Variants in TANC1 observed in about 807,000 individuals in gnomAD.
TANC1 encodes tetratricopeptide repeat, ankyrin repeat and coiled-coil containing 1, also known as protein TANC1.
A neutral mutation model predicts 149.7 loss-of-function variants in TANC1; 77 were observed. That is an observed-to-expected ratio of 0.51 (90% CI 0.43 to 0.62). The LOEUF is 0.62. TANC1 is among the 20% of genes least tolerant of loss of function. TANC1 has a pLI of 0.00. For synonymous variants in TANC1, 854 were observed against 925.0 expected (o/e 0.92, Z 1.39); for missense variants, 1,985 against 2,321.8 (o/e 0.85, Z 2.98).
chr2:159,132,216 A>G (rs1206849805), intron 4 of TANC1, among the ~76,000 whole-genome samples: 1 of 152,204 alleles, frequency 6.6e-6, no homozygotes, highest in East Asian at 1.9e-4. Flanking sequence ...TCCCAGAGTT[A>G]TTAGGAATGA....
At chr2:159,099,558 C>T (rs2046463590) in intron 4 of TANC1, among the ~76,000 whole-genome samples, 1 of 151,880 alleles carries the variant, frequency 6.6e-6, no homozygotes. Flanking sequence ...TGTAGTCATG[C>T]TCCTGAACTT....
At chr2:159,009,079 G>C (rs1335987266) in intron 2 of TANC1, among the ~76,000 whole-genome samples, 1 of 152,136 alleles carries the variant, frequency 6.6e-6, no homozygotes, top group Non-Finnish European at 1.5e-5. Context: ...GAATAACTAA[G>C]AGCAGGTTGG....
intron 2 of TANC1, among the ~76,000 whole-genome samples, chr2:159,055,093 A>T (rs2041750224): frequency 6.6e-6 from 1 of 152,230 alleles, no homozygotes; most frequent in African/African-American, 2.4e-5. Flanking sequence ...AACAACAGGA[A>T]GGAGAAAGGA....
At chr2:159,199,973 G>T (rs2058128159) in intron 19 of TANC1, among the ~76,000 whole-genome samples, 1 of 152,170 alleles carries the variant, frequency 6.6e-6, no homozygotes, top group African/African-American at 2.4e-5. Flanking sequence ...CCCCTTTGTG[G>T]GTCCAAAGAA....
At chr2:159,055,205 C>T (rs950064233) in intron 2 of TANC1, among the ~76,000 whole-genome samples, 1 of 152,224 alleles carries the variant, frequency 6.6e-6, no homozygotes, top group Non-Finnish European at 1.5e-5. Context: ...CAAAGAAAGA[C>T]TCTATGGCCC....
chr2:159,075,913 G>T (rs896857619), intron 3 of TANC1, among the ~76,000 whole-genome samples: 4 of 152,160 alleles, frequency 2.6e-5, no homozygotes, highest in African/African-American at 9.7e-5. Flanking sequence ...GCTCATGTTG[G>T]TTGCCACCTG....
Position 159,136,198 on chromosome 2 carries a change from C to CACATA in TANC1, c.264_265insACATA (p.Val89ThrfsTer2), listed in dbSNP as rs1559327052. 6.2e-7 allele frequency: 1 copy of CACATA among 1,600,038 alleles called. No homozygotes were observed. The highest frequency in any genetic ancestry group is 1.1e-5 in the South Asian group (1 of 90,812). ...CTCAGATCTTTCCCACTACAGGTCC[C>CACATA]GTCAGGAAGCCCAAGTATGTGGAAA... On this transcript the variant is annotated frameshift_variant, in exon 5 of 27. Coordinates refer to ENST00000263635, the MANE Select transcript of TANC1 (RefSeq NM_033394.3). LOFTEE classifies it high-confidence loss of function.
chr2:159,010,749 C>A (rs1357012665), intron 2 of TANC1, among the ~76,000 whole-genome samples: 1 of 147,470 alleles, frequency 6.8e-6, no homozygotes, highest in Non-Finnish European at 1.5e-5. Context: ...TAATGAAAGC[C>A]TTTAAAATTT....
chr2:158,974,557 C>T (rs1323557168), intron 1 of TANC1, among the ~76,000 whole-genome samples: 6 of 152,110 alleles, frequency 3.9e-5, no homozygotes, highest in African/African-American at 9.7e-5. Context: ...CTCGGCCTCC[C>T]GAGTAGCTGG....
chr2:159,004,035 G>A, intron 2 of TANC1: 7 of 1,612,272 alleles, frequency 4.3e-6, no homozygotes, highest in South Asian at 1.1e-5. Flanking sequence ...TAAAGATGAT[G>A]GGACAGTTAT....
intron 7 of TANC1, among the ~76,000 whole-genome samples, chr2:159,152,254 C>A (rs1345342627): frequency 6.6e-6 from 1 of 152,166 alleles, no homozygotes; most frequent in African/African-American, 2.4e-5. Context: ...TATGCCCTAT[C>A]TCTTCTGAGC....
chr2:159,056,774 CT>C, intron 2 of TANC1: 1 of 346,572 alleles, frequency 2.9e-6, no homozygotes, highest in African/African-American at 2.1e-5. Context: ...TCTGGGTGAC[CT>C]TGTTCTTCCC....
Position 159,179,284 on chromosome 2 carries a change from A to G in TANC1, c.2510+121A>G, listed in dbSNP as rs540681496. ...AATCCAGAATGACTAATTCAGTGTT[A>G]CTGCTTTGTTTTATTATTTTTCTTC... On this transcript the variant is annotated intron_variant, in intron 14 of 26. Coordinates refer to ENST00000263635, the MANE Select transcript of TANC1 (RefSeq NM_033394.3). 4.5e-6 allele frequency: 6 copies of G among 1,321,942 alleles called. No homozygotes were observed. In the African/African-American group the frequency reaches 7.4e-5, roughly 16 times the overall value. The allele number at this position is 1,321,942 out of a possible 1,614,324, so 81.9% of individuals were successfully genotyped here.
rs531365663 is a variant in TANC1 at position 159,205,148 on chromosome 2, C to G, written c.3244+6095C>G. 8.5e-5 allele frequency among the ~76,000 whole-genome samples: 13 copies of G among 152,324 alleles called. No individual in the cohort carries two copies. In the East Asian group the frequency reaches 2.1e-3, roughly 25 times the overall value. On this transcript the variant is annotated intron_variant, in intron 19 of 26. Coordinates refer to ENST00000263635, the MANE Select transcript of TANC1 (RefSeq NM_033394.3). ...TTTGACACTTTGATGATTTTCGTTT[C>G]CCTCTTGTTTCCATGGGACTGCTTT... is the stretch of plus-strand genomic sequence containing the variant.
chr2:159,016,817 G>A (rs1453438857), intron 2 of TANC1, among the ~76,000 whole-genome samples: 1 of 152,056 alleles, frequency 6.6e-6, no homozygotes, highest in African/African-American at 2.4e-5. Flanking sequence ...CTTGTGATCT[G>A]CCCGCCTTGG....
intron 19 of TANC1, among the ~76,000 whole-genome samples, chr2:159,214,539 GAGGAC>G (rs2059225098): frequency 6.6e-6 from 1 of 152,248 alleles, no homozygotes; most frequent in African/African-American, 2.4e-5. Context: ...GACTTCTCAT[GAGGAC>G]CTTGGCTCGG....
intron 4 of TANC1, among the ~76,000 whole-genome samples, chr2:159,114,293 T>G (rs2150043928): frequency 6.6e-6 from 1 of 152,330 alleles, no homozygotes; most frequent in South Asian, 2.1e-4. Context: ...AGGGGCCACC[T>G]GAGTCCCATA....
chr2:158,981,363 G>A (rs1339123386), intron 1 of TANC1, among the ~76,000 whole-genome samples: 1 of 151,276 alleles, frequency 6.6e-6, no homozygotes, highest in African/African-American at 2.4e-5. Flanking sequence ...GGAGCCTGAG[G>A]CGGGAGGATT....
intron 1 of TANC1, among the ~76,000 whole-genome samples, chr2:158,972,877 G>A (rs1362335209): frequency 1.3e-5 from 2 of 152,162 alleles, no homozygotes; most frequent in South Asian, 2.1e-4. Flanking sequence ...GGAGAAGAAT[G>A]ATTCTTGGTT....
Sources: gnomAD v4.1 joint callset for allele counts (sites outside exome capture counted in the v4.1 genomes callset) on GRCh38, gnomAD v4.1.1 for gene constraint, MANE v1.5 for transcripts, NCBI Gene and HGNC (gene_info 2026-07-23, HGNC 2026-07-21) for gene names.